Variants in AFG3L2 observed in about 807,000 individuals in gnomAD.
AFG3L2 encodes the protein AFG3 like matrix AAA peptidase subunit 2.
A neutral mutation model predicts 94.5 loss-of-function variants in AFG3L2; 54 were observed. That is an observed-to-expected ratio of 0.57 (90% CI 0.46 to 0.72). The LOEUF is 0.72. Ranked by LOEUF, AFG3L2 falls within the 30% of genes least tolerant of loss-of-function variation. AFG3L2 has a pLI of 0.00. For synonymous variants in AFG3L2, 377 were observed against 365.5 expected (o/e 1.03, Z -0.36); for missense variants, 754 against 994.9 (o/e 0.76, Z 3.26).
Position 12,353,147 on chromosome 18 carries a change from T to C in AFG3L2, c.1176A>G (p.Leu392=), listed in dbSNP as rs751159946. 6.2e-7 allele frequency: 1 copy of C among 1,613,998 alleles called. No homozygotes were observed. Among genetic ancestry groups the C allele is most frequent in the South Asian group, 1.1e-5 (1 of 91,082 alleles). Residue 392 remains leucine, a synonymous_variant, in exon 10 of 17, where the codon TTA becomes TTG. Coordinates refer to ENST00000269143, the MANE Select transcript of AFG3L2 (RefSeq NM_006796.3). ...VGVGPARVRD[L]FALARKNAPC... ...GGGCATTCTTCCGAGCAAGGGCAAA[T>C]AAGTCTCGGACCTTGGCAAAAACAG...
intron 1 of AFG3L2, among the ~76,000 whole-genome samples, chr18:12,375,685 A>AC (rs1357308912): frequency 3.3e-5 from 5 of 152,174 alleles, no homozygotes. Flanking sequence ...AGCTGGGACT[A>AC]CAGGCGCCCG....
chr18:12,350,990 A>G, intron 12 of AFG3L2, 95 bp downstream of exon 12: 1 of 1,521,624 alleles, frequency 6.6e-7, no homozygotes. Flanking sequence ...AGCCCACAGT[A>G]AAGAAGTGAA....
At chr18:12,352,540 G>A (rs765484238) in intron 10 of AFG3L2, among the ~76,000 whole-genome samples, 6 of 152,184 alleles carry the variant, frequency 3.9e-5, no homozygotes, top group Admixed American at 2.6e-4. Context: ...CACTTGGTTA[G>A]GCTTAGATTT....
intron 12 of AFG3L2, among the ~76,000 whole-genome samples, chr18:12,349,450 G>A (rs924716289): frequency 2.0e-5 from 3 of 152,144 alleles, no homozygotes; most frequent in African/African-American, 7.2e-5. Flanking sequence ...GTACACCGAT[G>A]TTCATGGCAG....
At chr18:12,359,146 A>T (rs886259241) in intron 7 of AFG3L2, among the ~76,000 whole-genome samples, 1 of 152,210 alleles carries the variant, frequency 6.6e-6, no homozygotes, top group Non-Finnish European at 1.5e-5. Flanking sequence ...CTTCGAAATA[A>T]ATGGAGCATC....
chr18:12,352,591 T>C (rs538735672), intron 10 of AFG3L2, among the ~76,000 whole-genome samples: 1 of 152,330 alleles, frequency 6.6e-6, no homozygotes, highest in Non-Finnish European at 1.5e-5. Flanking sequence ...GAGAATGAGA[T>C]GGTAATTCTT....
intron 1 of AFG3L2, among the ~76,000 whole-genome samples, chr18:12,375,610 C>T (rs1018482305): frequency 6.6e-6 from 1 of 152,072 alleles, no homozygotes; most frequent in Non-Finnish European, 1.5e-5. Flanking sequence ...CAGTGGCCCG[C>T]TCTTGGCTCA....
intron 14 of AFG3L2, chr18:12,343,884 T>G: frequency 1.8e-6 from 1 of 552,606 alleles, no homozygotes; most frequent in Non-Finnish European, 3.2e-6. Context: ...TGCTGCTTTA[T>G]AGGAGCAAAC....
chr18:12,332,402 C>G (rs1015428977), intron 16 of AFG3L2, among the ~76,000 whole-genome samples: 6 of 152,002 alleles, frequency 3.9e-5, no homozygotes, highest in African/African-American at 1.4e-4. Flanking sequence ...CCTGGCCAGA[C>G]TTATTTCTTG....
chr18:12,361,460 A>G (rs1908659264), intron 6 of AFG3L2, among the ~76,000 whole-genome samples: 1 of 152,152 alleles, frequency 6.6e-6, no homozygotes, highest in African/African-American at 2.4e-5. Flanking sequence ...GAGCCTGGTC[A>G]AGATGGTGAA....
chr18:12,334,483 G>A (rs1401795631), intron 16 of AFG3L2, among the ~76,000 whole-genome samples: 1 of 152,100 alleles, frequency 6.6e-6, no homozygotes, highest in Non-Finnish European at 1.5e-5. Flanking sequence ...TGGCAGCCCT[G>A]ACCTCTGTTC....
chr18:12,354,914 G>A (rs1358364124), intron 9 of AFG3L2, among the ~76,000 whole-genome samples: 1 of 151,972 alleles, frequency 6.6e-6, no homozygotes, highest in East Asian at 1.9e-4. Flanking sequence ...AGCAAAGTGT[G>A]AAATAGATGT....
intron 9 of AFG3L2, among the ~76,000 whole-genome samples, chr18:12,355,732 G>C (rs112438897): frequency 2.0e-5 from 3 of 150,908 alleles, no homozygotes; most frequent in African/African-American, 7.3e-5. Flanking sequence ...GCAGTGGCGT[G>C]ATCTCAGCTC....
chr18:12,340,966 C>T (rs901921708), intron 14 of AFG3L2: 6 of 153,972 alleles, frequency 3.9e-5, no homozygotes, highest in African/African-American at 1.2e-4. Flanking sequence ...CTTTGCTGCT[C>T]GGGATGGTCT....
intron 9 of AFG3L2, 77 bp from the exon 10 acceptor site, chr18:12,353,235 C>T: frequency 6.4e-7 from 1 of 1,564,936 alleles, no homozygotes; most frequent in Non-Finnish European, 8.7e-7. Flanking sequence ...AATAAATCGG[C>T]CGGGCACAGT....
At position 12,370,747 on chromosome 18, in the gene AFG3L2, C is replaced by G. The variant is rs1048122228; in HGVS notation, c.292+102G>C. On this transcript the variant is annotated intron_variant, in intron 3 of 16. Transcript: ENST00000269143. ...AGGCTGGGATTACAGGCGTGAGACA[C>G]TGTGCCCGGCCTGATAACTCTTTTC... The G allele has an allele frequency of 1.6e-5, 13 of 829,214 alleles. No individual in the cohort carries two copies. The East Asian group carries it at 2.8e-4, about 18-fold the overall frequency. 51.4% of individuals were successfully genotyped at this position (829,214 alleles called of 1,614,324 possible).
intron 1 of AFG3L2, among the ~76,000 whole-genome samples, chr18:12,372,572 G>A (rs1909025479): frequency 6.6e-6 from 1 of 152,106 alleles, no homozygotes. Flanking sequence ...ACATGTCCAC[G>A]AAAAATATGC....
chr18:12,375,221 G>C (rs1167748502), intron 1 of AFG3L2, among the ~76,000 whole-genome samples: 3 of 150,668 alleles, frequency 2.0e-5, no homozygotes, highest in African/African-American at 7.3e-5. Context: ...TAAAAATCAT[G>C]AATGCAGGCA....
intron 6 of AFG3L2, 43 bp downstream of exon 6, chr18:12,363,739 G>C (rs772487838): frequency 2.0e-6 from 3 of 1,516,078 alleles, no homozygotes; most frequent in Non-Finnish European, 2.7e-6. Flanking sequence ...ATCTGAAAAA[G>C]TTAATTTACA....
Sources: allele counts gnomAD v4.1 joint callset (sites outside exome capture counted in the v4.1 genomes callset), GRCh38; gene constraint gnomAD v4.1.1; transcripts MANE v1.5; gene names NCBI Gene and HGNC (gene_info 2026-07-23, HGNC 2026-07-21).